The following BACH2 variants were observed in gnomAD, a reference collection of about 807,000 sequenced individuals.
BACH2 encodes BACH transcriptional regulator 2.
Under a neutral mutation model 61.8 loss-of-function variants are expected in BACH2, and 5 were observed. That is an observed-to-expected ratio of 0.08 (90% CI 0.04 to 0.17). The LOEUF (loss-of-function observed/expected upper bound fraction) is 0.17. BACH2 is among the 10% of genes least tolerant of loss of function. The pLI is 1.00. For missense variants in BACH2, 824 were observed against 1,091.1 expected (o/e 0.76, Z 3.45); for synonymous variants, 446 against 440.1 (o/e 1.01, Z -0.17).
chr6:89,980,863 A>T (rs368653109), intron 6 of BACH2, among the ~76,000 whole-genome samples: 2 of 150,524 alleles, frequency 1.3e-5, no homozygotes, highest in East Asian at 3.9e-4. Context: ...CATCACAATC[A>T]GGTGTCATAC....
chr6:89,964,278 T>TG (rs1554221044), intron 6 of BACH2, among the ~76,000 whole-genome samples: 32 of 148,674 alleles, frequency 2.2e-4, no homozygotes, highest in Admixed American at 1.2e-3. Context: ...TATCAGGGGC[T>TG]GGGGGAAGAA....
intron 5 of BACH2, among the ~76,000 whole-genome samples, chr6:90,064,023 T>C (rs889806436): frequency 6.6e-6 from 1 of 152,194 alleles, no homozygotes; most frequent in African/African-American, 2.4e-5. Context: ...TATGCAAATA[T>C]CAGTTATTTA....
chr6:90,173,446 G>A (rs1438199769), intron 4 of BACH2, among the ~76,000 whole-genome samples: 4 of 151,890 alleles, frequency 2.6e-5, no homozygotes, highest in African/African-American at 7.3e-5. Context: ...ACAAACAAAC[G>A]AAAAACCTGT....
At chr6:90,085,888 T>C (rs1781913111) in intron 5 of BACH2, among the ~76,000 whole-genome samples, 2 of 152,088 alleles carry the variant, frequency 1.3e-5, no homozygotes, top group South Asian at 2.1e-4. Context: ...TGGCATTAAA[T>C]ACATTCACAT....
chr6:89,936,841 G>A (rs1281778346), intron 8 of BACH2, among the ~76,000 whole-genome samples: 1 of 152,100 alleles, frequency 6.6e-6, no homozygotes, highest in African/African-American at 2.4e-5. Context: ...TCACCATGAG[G>A]CCAGGAGGTG....
At chr6:90,206,196 G>A (rs1309458086) in intron 4 of BACH2, among the ~76,000 whole-genome samples, 1 of 152,126 alleles carries the variant, frequency 6.6e-6, no homozygotes, top group Non-Finnish European at 1.5e-5. Flanking sequence ...GGAAATTGGG[G>A]AACCAAGAAG....
intron 4 of BACH2, among the ~76,000 whole-genome samples, chr6:90,162,701 T>C (rs190111274): frequency 6.6e-6 from 1 of 152,268 alleles, no homozygotes; most frequent in East Asian, 1.9e-4. Context: ...TGTCTACTAA[T>C]ATGCATTTTA....
At chr6:90,265,694 G>C (rs1269798474) in intron 2 of BACH2, among the ~76,000 whole-genome samples, 2 of 152,154 alleles carry the variant, frequency 1.3e-5, no homozygotes, top group African/African-American at 4.8e-5. Context: ...GCAAGGTAAG[G>C]TACCTTTCTA....
chr6:90,208,870 G>A (rs542669897), intron 3 of BACH2, among the ~76,000 whole-genome samples: 1 of 152,308 alleles, frequency 6.6e-6, no homozygotes, highest in Admixed American at 6.5e-5. Context: ...ATGCTATGCA[G>A]CCATAAAAAA....
chr6:90,214,366 G>A (rs1444807151), intron 3 of BACH2, among the ~76,000 whole-genome samples: 2 of 150,358 alleles, frequency 1.3e-5, no homozygotes, highest in African/African-American at 4.9e-5. Context: ...GCGGGGGGAG[G>A]GGGTTGCTGT....
rs917432932 is a variant in BACH2, at chr6:89,927,084, A to G, written c.*5324T>C. 2 of 152,790 alleles carry G rather than the reference A, an allele frequency of 1.3e-5. No homozygotes were observed. Among genetic ancestry groups the G allele is most frequent in the Admixed American group, 6.5e-5 (1 of 15,280 alleles). The allele number at this position is 152,790 out of a possible 1,614,324, so 9.5% of individuals were successfully genotyped here. On this transcript the variant is annotated 3_prime_UTR_variant, in exon 9 of 9. Transcript: ENST00000257749. The stretch of plus-strand genomic sequence containing the variant: ...CTGGAGTTTGTAAGGCATATATTAG[A>G]GGTGCACTTGCATCAGACTGGTTCT...
intron 3 of BACH2, among the ~76,000 whole-genome samples, chr6:90,222,470 T>C (rs949051035): frequency 1.3e-5 from 2 of 152,142 alleles, no homozygotes; most frequent in African/African-American, 4.8e-5. Flanking sequence ...TTTAGAAGAC[T>C]GTATGTGAGG....
intron 3 of BACH2, among the ~76,000 whole-genome samples, chr6:90,209,012 A>G (rs901221493): frequency 3.1e-5 from 4 of 128,012 alleles, no homozygotes; most frequent in Admixed American, 9.6e-5. Flanking sequence ...ATGAGAACAT[A>G]TGGACACAGG....
chr6:90,184,130 C>T (rs1016709151), intron 4 of BACH2, among the ~76,000 whole-genome samples: 1 of 152,138 alleles, frequency 6.6e-6, no homozygotes, highest in East Asian at 1.9e-4. Context: ...GACCCACAGG[C>T]AAGGTATTCC....
At chr6:90,036,310 AT>A (rs1779260430) in intron 5 of BACH2, among the ~76,000 whole-genome samples, 1 of 151,644 alleles carries the variant, frequency 6.6e-6, no homozygotes, top group Admixed American at 6.6e-5. Flanking sequence ...ATCCCTGCAA[AT>A]TTGCTCTTGG....
intron 3 of BACH2, among the ~76,000 whole-genome samples, chr6:90,233,799 C>G (rs879108542): frequency 5.9e-5 from 9 of 152,088 alleles, no homozygotes; most frequent in Admixed American, 2.6e-4. Context: ...GACAATTTTC[C>G]CAGGATCATT....
chr6:90,174,051 C>T (rs1767908536), intron 4 of BACH2, among the ~76,000 whole-genome samples: 1 of 151,982 alleles, frequency 6.6e-6, no homozygotes. Flanking sequence ...ATTTAATTCC[C>T]TGGGAAGATA....
At chr6:90,221,675 G>C (rs1769738952) in intron 3 of BACH2, among the ~76,000 whole-genome samples, 1 of 152,088 alleles carries the variant, frequency 6.6e-6, no homozygotes, top group South Asian at 2.1e-4. Flanking sequence ...TGAGGAAATA[G>C]GGCGTGACAT....
At chr6:90,296,066 G>T (rs893607003) in intron 1 of BACH2, among the ~76,000 whole-genome samples, 1 of 152,136 alleles carries the variant, frequency 6.6e-6, no homozygotes, top group Non-Finnish European at 1.5e-5. Context: ...CGGGCCGGGG[G>T]CAGGGCCGCG....
Sources: gnomAD v4.1 joint callset for allele counts (sites outside exome capture counted in the v4.1 genomes callset) on GRCh38, gnomAD v4.1.1 for gene constraint, MANE v1.5 for transcripts, NCBI Gene and HGNC (gene_info 2026-07-23, HGNC 2026-07-21) for gene names.